Variants in BLTP1 observed in about 807,000 individuals in gnomAD.
BLTP1 encodes the protein bridge-like lipid transfer protein family member 1.
the BLTP1 span, chr4:122,262,938 C>G: frequency 6.2e-7 from 1 of 1,614,012 alleles, no homozygotes; most frequent in South Asian, 1.1e-5. Flanking sequence ...AGGTACTCCT[C>G]AGAGAAGCAG....
At chr4:122,152,501 C>T in the BLTP1 span, 7 of 985,774 alleles carry the variant, frequency 7.1e-6, no homozygotes, top group Non-Finnish European at 7.2e-6. Flanking sequence ...CTGCTGCCGT[C>T]GCCGCCCCTG....
At chr4:122,247,212 T>G in the BLTP1 span, 1 of 1,613,438 alleles carries the variant, frequency 6.2e-7, no homozygotes. Context: ...CATCAAATTT[T>G]GATAGGTATG....
At chr4:122,340,858 A>C in the BLTP1 span, 1 of 910,544 alleles carries the variant, frequency 1.1e-6, no homozygotes, top group African/African-American at 1.8e-5. Flanking sequence ...AGGTGAAATG[A>C]AAATGAGAAT....
At chr4:122,191,361 G>T in the BLTP1 span, among the ~76,000 whole-genome samples, 4 of 151,978 alleles carry the variant, frequency 2.6e-5, no homozygotes, top group Non-Finnish European at 5.9e-5. Context: ...TAGAACTTTG[G>T]AAAATTGGAG....
the BLTP1 span, among the ~76,000 whole-genome samples, chr4:122,157,985 G>A: frequency 6.6e-6 from 1 of 152,154 alleles, no homozygotes; most frequent in Non-Finnish European, 1.5e-5. Context: ...GTAGTTTGCT[G>A]TGTATCAGGT....
chr4:122,247,780 A>G, the BLTP1 span: 103 of 999,218 alleles, frequency 1.0e-4, no homozygotes, highest in Non-Finnish European at 1.2e-4. Context: ...AAAATACAGC[A>G]GCAATAAGGT....
the BLTP1 span, chr4:122,362,580 A>G: frequency 1.7e-5 from 3 of 171,504 alleles, no homozygotes; most frequent in African/African-American, 7.2e-5. Flanking sequence ...TAACTTTTAG[A>G]AAAAAATCTT....
the BLTP1 span, chr4:122,152,425 C>T: frequency 1.0e-6 from 1 of 985,362 alleles, no homozygotes; most frequent in Non-Finnish European, 1.2e-6. Context: ...TGGGCGGCGG[C>T]CCCGGGCGGC....
the BLTP1 span, chr4:122,188,223 A>G: frequency 9.2e-7 from 1 of 1,084,698 alleles, no homozygotes; most frequent in Non-Finnish European, 1.2e-6. Context: ...AAAGCAGTTA[A>G]CAATGTAGTC....
the BLTP1 span, chr4:122,249,907 C>A: frequency 1.0e-6 from 1 of 984,824 alleles, no homozygotes; most frequent in Non-Finnish European, 1.2e-6. Context: ...TGAAAAACAA[C>A]AATATGTTTT....
the BLTP1 span, among the ~76,000 whole-genome samples, chr4:122,287,260 T>A: frequency 2.6e-5 from 4 of 152,194 alleles, no homozygotes; most frequent in East Asian, 7.7e-4. Flanking sequence ...AAAGATAAAT[T>A]AGACTTACAG....
chr4:122,328,206 A>G, the BLTP1 span: 6 of 1,611,464 alleles, frequency 3.7e-6, no homozygotes, highest in Admixed American at 1.0e-4. Flanking sequence ...CAGTTCTCCC[A>G]AAACTCCAGG....
the BLTP1 span, among the ~76,000 whole-genome samples, chr4:122,235,904 TA>T: frequency 6.6e-6 from 1 of 152,236 alleles, no homozygotes; most frequent in East Asian, 1.9e-4. Flanking sequence ...TATTTAGATT[TA>T]CCTAGAGTCT....
chr4:122,216,085 GTCTATCTATCTA>G, the BLTP1 span, among the ~76,000 whole-genome samples: 9,781 of 144,288 alleles, frequency 0.068, 349 homozygotes, highest in Admixed American at 0.081. Flanking sequence ...ATCTTTGTCT[GTCTATCTATCTA>G]TCTATCTATC....
At chr4:122,152,406 G>A in the BLTP1 span, 6 of 985,556 alleles carry the variant, frequency 6.1e-6, no homozygotes, top group Non-Finnish European at 7.2e-6. Context: ...TGCGGCCAGG[G>A]TCTGGACCTG....
chr4:122,261,226 A>G, the BLTP1 span: 6 of 860,402 alleles, frequency 7.0e-6, no homozygotes, highest in African/African-American at 1.8e-5. Context: ...TTTCCACAGT[A>G]TAGTTAGACG....
the BLTP1 span, chr4:122,302,248 GAAATTAACGT>G: frequency 6.2e-5 from 61 of 982,106 alleles, no homozygotes; most frequent in Non-Finnish European, 7.0e-5. Context: ...ACTAACACGA[GAAATTAACGT>G]TGCCAGTTTT....
the BLTP1 span, chr4:122,197,343 A>C: frequency 1.7e-6 from 2 of 1,167,278 alleles, no homozygotes; most frequent in Non-Finnish European, 1.2e-6. Context: ...AAGTTTGTTA[A>C]TCATCTTAGA....
chr4:122,220,204 G>A, the BLTP1 span: 1 of 994,756 alleles, frequency 1.0e-6, no homozygotes, highest in Non-Finnish European at 1.4e-6. Flanking sequence ...ATTTTTCTCA[G>A]TAATCATAGT....
Sources: allele counts gnomAD v4.1 joint callset (sites outside exome capture counted in the v4.1 genomes callset), GRCh38; gene constraint gnomAD v4.1.1; transcripts MANE v1.5; gene names NCBI Gene and HGNC (gene_info 2026-07-23, HGNC 2026-07-21).